DIAPH2: variants seen among roughly 807,000 people sequenced by gnomAD.
DIAPH2 encodes the protein diaphanous related formin 2.
DIAPH2 carries 35 observed loss-of-function variants against 92.7 expected under a neutral mutation model. That is an observed-to-expected ratio of 0.38 (90% confidence interval 0.29 to 0.50). The LOEUF is 0.50. DIAPH2 is among the 20% of genes least tolerant of loss of function. DIAPH2 has a pLI of 0.94. For synonymous variants in DIAPH2, 301 were observed against 280.4 expected, an observed-to-expected ratio of 1.07 and a Z score of -0.73; for missense variants, 701 against 819.5, an observed-to-expected ratio of 0.86 and a Z score of 1.77.
At chrX:96,773,021 C>A (rs1268710615) in intron 4 of DIAPH2, among the ~76,000 whole-genome samples, 1 of 111,805 alleles carries the variant, frequency 8.9e-6, no homozygotes, top group African/African-American at 3.3e-5. Flanking sequence ...AACATGTATT[C>A]TATGTGTTTA....
At chrX:96,901,901 G>C (rs189041937) in intron 5 of DIAPH2, among the ~76,000 whole-genome samples, 2 of 111,217 alleles carry the variant, frequency 1.8e-5, no homozygotes, top group Admixed American at 1.9e-4. Context: ...TGCTCTTTCA[G>C]ACTTTTTGAT....
chrX:96,923,061 A>T (rs563112769), intron 9 of DIAPH2, among the ~76,000 whole-genome samples: 1 of 111,382 alleles, frequency 9.0e-6, no homozygotes, highest in South Asian at 3.8e-4. Context: ...TGCTTTCTAG[A>T]TAGCCAGGTA....
chrX:96,910,682 A>G, intron 5 of DIAPH2, among the ~76,000 whole-genome samples: 1 of 111,757 alleles, frequency 8.9e-6, no homozygotes, highest in Non-Finnish European at 1.9e-5. Flanking sequence ...AAATTAGCAA[A>G]TACTTACTTA....
chrX:97,565,692 C>T (rs2071321999), intron 26 of DIAPH2, among the ~76,000 whole-genome samples: 1 of 112,084 alleles, frequency 8.9e-6, no homozygotes, highest in Non-Finnish European at 1.9e-5. Flanking sequence ...ATTGAAACTT[C>T]ACGCGTATCT....
At chrX:96,850,613 C>CTATT (rs1315961561) in intron 4 of DIAPH2, among the ~76,000 whole-genome samples, 2 of 111,893 alleles carry the variant, frequency 1.8e-5, no homozygotes, top group African/African-American at 6.5e-5. Context: ...CACTACTTCA[C>CTATT]TATTTCTCGT....
At chrX:97,062,713 A>G (rs1274265399) in intron 17 of DIAPH2, among the ~76,000 whole-genome samples, 2 of 111,186 alleles carry the variant, frequency 1.8e-5, no homozygotes, top group Non-Finnish European at 3.8e-5. Context: ...ATAGAATGTC[A>G]CCAACAGACT....
chrX:96,890,497 T>A (rs1376169876), intron 5 of DIAPH2, among the ~76,000 whole-genome samples: 7 of 111,748 alleles, frequency 6.3e-5, no homozygotes, highest in Non-Finnish European at 1.3e-4. Context: ...TTCCTAAAAC[T>A]CTGTTGCATA....
rs922046324 is a variant in DIAPH2, at chrX:97,527,433, G to C, written c.3242-71820G>C. Among the ~76,000 whole-genome samples the C allele has an allele frequency of 4.7e-4, 52 of 111,662 alleles. 1 individual carries two copies. Among genetic ancestry groups the C allele is most frequent in the Non-Finnish European group, 6.4e-4 (34 of 53,099 alleles). The stretch of plus-strand genomic sequence containing the variant: ...ATCAGCGTGTGTTTTTCAAATACAG[G>C]CAGTCCCTATCTTACAAATGGCTGT... On this transcript the variant is annotated intron_variant, in intron 26 of 26. Coordinates refer to ENST00000324765, the MANE Select transcript of DIAPH2 (RefSeq NM_006729.5).
intron 22 of DIAPH2, among the ~76,000 whole-genome samples, chrX:97,177,378 T>C (rs1438044597): frequency 8.9e-6 from 1 of 111,876 alleles, no homozygotes; most frequent in Non-Finnish European, 1.9e-5. Context: ...CTAGTTTTCT[T>C]CACCTTCCAG....
At position 96,925,832 on chromosome X, in the gene DIAPH2, G is replaced by T. The variant is rs1220889157; in HGVS notation, c.979-4901G>T. On this transcript the variant is annotated intron_variant, in intron 9 of 26. Transcript: ENST00000324765. ...GTCATATTGTGCTTTGTTTCCTATA[G>T]ATTTTATGCTGTTTTATACCTCTAC... Among the ~76,000 whole-genome samples the T allele has an allele frequency of 2.7e-5, 3 of 111,413 alleles. No individual in the cohort carries two copies. In the East Asian group the frequency reaches 8.5e-4, roughly 32 times the overall value.
At chrX:97,462,214 G>A (rs1353219255) in intron 26 of DIAPH2, among the ~76,000 whole-genome samples, 1 of 111,554 alleles carries the variant, frequency 9.0e-6, no homozygotes, top group Non-Finnish European at 1.9e-5. Flanking sequence ...CTGTGGGTGG[G>A]GGTGCAACAG....
intron 3 of DIAPH2, among the ~76,000 whole-genome samples, chrX:96,754,903 A>C (rs1012196887): frequency 1.1e-5 from 1 of 94,336 alleles, no homozygotes; most frequent in African/African-American, 3.9e-5. Flanking sequence ...CAGCCTGGGC[A>C]ACAGAGCAAG....
chrX:97,247,462 T>C (rs1395816853), intron 22 of DIAPH2, among the ~76,000 whole-genome samples: 1 of 111,607 alleles, frequency 9.0e-6, no homozygotes, highest in East Asian at 2.8e-4. Flanking sequence ...ATGGATTCAT[T>C]TGAACTAATG....
At chrX:97,027,885 T>A (rs1049324669) in intron 17 of DIAPH2, among the ~76,000 whole-genome samples, 1 of 112,135 alleles carries the variant, frequency 8.9e-6, no homozygotes, top group Non-Finnish European at 1.9e-5. Flanking sequence ...CTTTCTAAAC[T>A]TTTCTTGCAA....
chrX:96,775,304 G>A (rs1469834566), intron 4 of DIAPH2, among the ~76,000 whole-genome samples: 18 of 106,740 alleles, frequency 1.7e-4, no homozygotes, highest in African/African-American at 6.1e-4. Flanking sequence ...AATGCTACTT[G>A]ATAATACACC....
chrX:96,825,354 C>CTTTTTTTTTTTTT (rs57788752), intron 4 of DIAPH2, among the ~76,000 whole-genome samples: 8 of 82,538 alleles, frequency 9.7e-5, no homozygotes, highest in Admixed American at 1.4e-4. Flanking sequence ...CATGTGTTTT[C>CTTTTTTTTTTTTT]TTTTTTTTTT....
At chrX:97,347,122 A>G (rs1602525014) in intron 23 of DIAPH2, among the ~76,000 whole-genome samples, 1 of 94,211 alleles carries the variant, frequency 1.1e-5, no homozygotes, top group African/African-American at 4.0e-5. Flanking sequence ...AGAGTCTCAC[A>G]CTGTCGCCCA....
intron 23 of DIAPH2, among the ~76,000 whole-genome samples, chrX:97,307,908 C>CAAAAA (rs34217377): frequency 6.2e-5 from 4 of 64,821 alleles, no homozygotes; most frequent in East Asian, 5.2e-4. Context: ...GACTCTGTCT[C>CAAAAA]AAAAAAAAAA....
rs775112495 is a variant in DIAPH2 at position 97,599,999 on chromosome X, A to AAAG, written c.*683_*685dup. 3.5e-5 allele frequency: 4 copies of AAAG among 112,796 alleles called. No individual in the cohort carries two copies. Among genetic ancestry groups the AAAG allele is most frequent in the Non-Finnish European group, 7.5e-5 (4 of 53,249 alleles). 9.3% of individuals were successfully genotyped at this position (112,796 alleles called of 1,213,427 possible). A position where few individuals can be genotyped will look rare whatever the true frequency, so the allele number is the denominator to read the frequency against. On this transcript the variant is annotated 3_prime_UTR_variant, in exon 27 of 27. Transcript: ENST00000324765. The stretch of plus-strand genomic sequence containing the variant: ...TCTCATTGCTAAAAATAAATAAACC[A>AAAG]AAGTTTAACCGAATCAGTTAGGGAA...
Sources: gnomAD v4.1 joint callset for allele counts (sites outside exome capture counted in the v4.1 genomes callset) on GRCh38, gnomAD v4.1.1 for gene constraint, MANE v1.5 for transcripts, NCBI Gene and HGNC (gene_info 2026-07-23, HGNC 2026-07-21) for gene names.